The following ATP8B4 variants were observed in gnomAD, a reference collection of about 807,000 sequenced individuals.
ATP8B4 encodes the protein ATPase phospholipid transporting 8B4 (putative), also known as probable phospholipid-transporting ATPase IM.
In ATP8B4, 133 loss-of-function variants were observed where a neutral mutation model predicts 145.6. The ratio of observed to expected loss-of-function variants is 0.91; its 90% CI spans 0.79 to 1.05. ATP8B4 has a LOEUF of 1.05. Ranked by LOEUF, ATP8B4 falls within the 50% of genes least tolerant of loss-of-function variation. The probability of loss-of-function intolerance (pLI) is 0.00; values close to 1 mark genes in which losing one functional copy is unlikely to be tolerated. For missense variants in ATP8B4, 1,458 were observed against 1,425.2 expected, an observed-to-expected ratio of 1.02 and a Z score of -0.37; for synonymous variants, 507 against 492.9, an observed-to-expected ratio of 1.03 and a Z score of -0.38.
At chr15:50,167,826 G>A (rs1230305811) in intron 1 of ATP8B4, among the ~76,000 whole-genome samples, 2 of 152,164 alleles carry the variant, frequency 1.3e-5, no homozygotes, top group Non-Finnish European at 2.9e-5. Flanking sequence ...TCAATGTGAA[G>A]TAATCTGTAC....
At chr15:50,015,354 A>G (rs1188540888) in intron 6 of ATP8B4, among the ~76,000 whole-genome samples, 1 of 152,230 alleles carries the variant, frequency 6.6e-6, no homozygotes, top group East Asian at 1.9e-4. Context: ...TTAATGGCCA[A>G]CTGAAAAGAA....
intron 1 of ATP8B4, among the ~76,000 whole-genome samples, chr15:50,116,183 C>G (rs1026912326): frequency 6.6e-6 from 1 of 152,040 alleles, no homozygotes; most frequent in African/African-American, 2.4e-5. Flanking sequence ...TTTGGAAGGC[C>G]GAGGCAGATG....
At chr15:50,016,214 C>A (rs1429720010) in intron 6 of ATP8B4, among the ~76,000 whole-genome samples, 2 of 152,202 alleles carry the variant, frequency 1.3e-5, no homozygotes, top group Non-Finnish European at 2.9e-5. Flanking sequence ...TTTTCCTAAA[C>A]TGAAACCCTT....
chr15:50,029,238 TAAAAAAA>T (rs58363112), intron 6 of ATP8B4, among the ~76,000 whole-genome samples: 1 of 76,634 alleles, frequency 1.3e-5, no homozygotes, highest in Admixed American at 1.5e-4. Flanking sequence ...GACTCCATCT[TAAAAAAA>T]AAAAAAAAAA....
intron 20 of ATP8B4, among the ~76,000 whole-genome samples, chr15:49,904,337 T>A (rs2038375751): frequency 6.6e-6 from 1 of 152,162 alleles, no homozygotes; most frequent in African/African-American, 2.4e-5. Flanking sequence ...CTTTAAGATG[T>A]TCAACCACTG....
At chr15:49,923,760 G>A (rs1440788521) in intron 16 of ATP8B4, among the ~76,000 whole-genome samples, 1 of 152,064 alleles carries the variant, frequency 6.6e-6, no homozygotes, top group East Asian at 1.9e-4. Context: ...TGACCTTCCT[G>A]TTTTCCTTGC....
At chr15:50,106,900 A>C (rs756900964) in intron 2 of ATP8B4, 39 bp downstream of exon 2, 1 of 1,566,332 alleles carries the variant, frequency 6.4e-7, no homozygotes, top group East Asian at 2.3e-5. Flanking sequence ...TATATTTTTA[A>C]AATATCACTT....
At chr15:49,942,902 G>A (rs750586768) in intron 14 of ATP8B4, among the ~76,000 whole-genome samples, 1 of 152,006 alleles carries the variant, frequency 6.6e-6, no homozygotes, top group Non-Finnish European at 1.5e-5. Context: ...AGAGGTATAT[G>A]AATTACCTGG....
chr15:50,009,736 G>T (rs1032354958), intron 7 of ATP8B4: 54 of 452,202 alleles, frequency 1.2e-4, no homozygotes, highest in African/African-American at 1.0e-3. Flanking sequence ...TAAATAGATT[G>T]CGAGTGAGAA....
intron 10 of ATP8B4, among the ~76,000 whole-genome samples, chr15:49,982,257 A>G (rs2046222369): frequency 6.6e-6 from 1 of 152,202 alleles, no homozygotes; most frequent in Non-Finnish European, 1.5e-5. Flanking sequence ...AAAAGAAAAA[A>G]AGAAGCAATA....
chr15:50,128,029 T>C (rs1290920016), intron 1 of ATP8B4, among the ~76,000 whole-genome samples: 1 of 152,184 alleles, frequency 6.6e-6, no homozygotes, highest in Non-Finnish European at 1.5e-5. Flanking sequence ...TTCTGTGCAT[T>C]TCAGGGTAAG....
At chr15:50,143,324 G>A (rs1329320031) in intron 1 of ATP8B4, among the ~76,000 whole-genome samples, 1 of 152,214 alleles carries the variant, frequency 6.6e-6, no homozygotes, top group African/African-American at 2.4e-5. Context: ...TCACCCAGGG[G>A]CTTGACTGGG....
intron 7 of ATP8B4, among the ~76,000 whole-genome samples, chr15:50,008,286 C>T (rs1303679677): frequency 6.6e-6 from 1 of 152,160 alleles, no homozygotes; most frequent in African/African-American, 2.4e-5. Context: ...AGCTCCCAAA[C>T]TCACCAATCA....
At chr15:50,070,090 A>C (rs1360348554) in intron 3 of ATP8B4, among the ~76,000 whole-genome samples, 1 of 152,266 alleles carries the variant, frequency 6.6e-6, no homozygotes, top group African/African-American at 2.4e-5. Context: ...AATATAGTAC[A>C]GTGCTTAGAA....
At chr15:49,977,646 AAAGAG>A in intron 12 of ATP8B4, among the ~76,000 whole-genome samples, 1 of 152,278 alleles carries the variant, frequency 6.6e-6, no homozygotes, top group Middle Eastern at 3.4e-3. Context: ...AAGGCTAAAA[AAAGAG>A]AAAAGTATTC....
At chr15:49,949,162 AT>A (rs1485093021) in intron 14 of ATP8B4, among the ~76,000 whole-genome samples, 4 of 152,228 alleles carry the variant, frequency 2.6e-5, no homozygotes, top group South Asian at 4.1e-4. Context: ...GTCTTCTTCG[AT>A]TCCATATGAA....
At chr15:49,889,808 T>C (rs1195186615) in intron 23 of ATP8B4, among the ~76,000 whole-genome samples, 1 of 152,234 alleles carries the variant, frequency 6.6e-6, no homozygotes, top group Non-Finnish European at 1.5e-5. Context: ...GCTGGTGTTT[T>C]AGAAAGTCAA....
intron 9 of ATP8B4, among the ~76,000 whole-genome samples, chr15:49,995,967 A>G (rs532991150): frequency 1.3e-5 from 2 of 152,128 alleles, no homozygotes; most frequent in Non-Finnish European, 2.9e-5. Context: ...TTAATCATAC[A>G]TGCAGATATC....
intron 24 of ATP8B4, among the ~76,000 whole-genome samples, chr15:49,878,231 T>C (rs2034803735): frequency 6.6e-6 from 1 of 152,230 alleles, no homozygotes; most frequent in Non-Finnish European, 1.5e-5. Flanking sequence ...AAAGAAACAC[T>C]TGTAAACATG....
Sources: gnomAD v4.1 joint callset for allele counts (sites outside exome capture counted in the v4.1 genomes callset) on GRCh38, gnomAD v4.1.1 for gene constraint, MANE v1.5 for transcripts, NCBI Gene and HGNC (gene_info 2026-07-23, HGNC 2026-07-21) for gene names.